DNAJC6: variants seen among roughly 807,000 people sequenced by gnomAD.
The protein encoded by DNAJC6 is auxilin.
A neutral mutation model predicts 110.0 loss-of-function variants in DNAJC6; 34 were observed. That is an observed-to-expected ratio of 0.31 (90% CI 0.24 to 0.41). The LOEUF is 0.41. DNAJC6 is among the 10% of genes least tolerant of loss of function. The pLI, the probability that DNAJC6 is intolerant of heterozygous loss-of-function variation, is 1.00. For synonymous variants in DNAJC6, 406 were observed against 437.2 expected (o/e 0.93, Z 0.89); for missense variants, 1,031 against 1,207.8 (o/e 0.85, Z 2.17).
At chr1:65,293,361 G>A (rs1557502356) in intron 1 of DNAJC6, among the ~76,000 whole-genome samples, 1 of 151,714 alleles carries the variant, frequency 6.6e-6, no homozygotes, top group East Asian at 1.9e-4. Flanking sequence ...TTCCTTATAA[G>A]GACACTAATC....
intron 4 of DNAJC6, among the ~76,000 whole-genome samples, chr1:65,366,750 TACTC>T (rs1645650397): frequency 6.6e-6 from 1 of 152,148 alleles, no homozygotes; most frequent in Non-Finnish European, 1.5e-5. Flanking sequence ...AATTCTGACT[TACTC>T]ACTAAAAAAA....
chr1:65,285,566 A>AC (rs1653990104), intron 1 of DNAJC6, among the ~76,000 whole-genome samples: 1 of 150,912 alleles, frequency 6.6e-6, no homozygotes, highest in African/African-American at 2.4e-5. Context: ...AATGATCCTC[A>AC]CCCCCCCACC....
chr1:65,387,304 G>T (rs189624528), intron 8 of DNAJC6, among the ~76,000 whole-genome samples: 1 of 152,298 alleles, frequency 6.6e-6, no homozygotes, highest in Admixed American at 6.5e-5. Context: ...AAAAAATTGA[G>T]ATAAAACCAC....
At chr1:65,348,433 C>T (rs114113232) in intron 1 of DNAJC6, among the ~76,000 whole-genome samples, 1,731 of 152,198 alleles carry the variant, frequency 0.011, 19 homozygotes, top group Middle Eastern at 0.017. Flanking sequence ...TTTATGTCTA[C>T]TTTTCTGTTC....
intron 4 of DNAJC6, among the ~76,000 whole-genome samples, chr1:65,366,601 C>T (rs1034370288): frequency 2.6e-5 from 4 of 151,988 alleles, no homozygotes; most frequent in Admixed American, 6.6e-5. Flanking sequence ...GTGGATAGAC[C>T]GGTACTGACA....
chr1:65,384,510 G>T (rs573295882), intron 6 of DNAJC6, among the ~76,000 whole-genome samples, 184 bp downstream of exon 6: 1 of 152,302 alleles, frequency 6.6e-6, no homozygotes, highest in South Asian at 2.1e-4. Context: ...GAGTTTCAAT[G>T]GATTCACAGT....
At chr1:65,293,813 A>G (rs978373610) in intron 1 of DNAJC6, among the ~76,000 whole-genome samples, 4 of 152,242 alleles carry the variant, frequency 2.6e-5, no homozygotes, top group Admixed American at 1.3e-4. Context: ...TTGTCTGTAC[A>G]CATACAGAGG....
At chr1:65,295,179 A>G (rs552051312) in intron 1 of DNAJC6, among the ~76,000 whole-genome samples, 16 of 152,342 alleles carry the variant, frequency 1.1e-4, no homozygotes, top group African/African-American at 3.8e-4. Context: ...AAATTGAAAA[A>G]GGGGGATCTT....
At position 65,413,147 on chromosome 1, in the gene DNAJC6, G is replaced by T; in HGVS notation, c.*122G>T. 1.4e-6 allele frequency: 1 copy of T among 726,722 alleles called. No individual in the cohort carries two copies. The highest frequency in any genetic ancestry group is 2.3e-6 in the Non-Finnish European group (1 of 442,520). 45.0% of individuals were successfully genotyped at this position (726,722 alleles called of 1,614,324 possible). ...CATGTTTTCAGTACTAAACCGTTAAGTTACTCATGAATTAATTTCTCATTG... is the reference window on the plus strand; with the variant it reads ...CATGTTTTCAGTACTAAACCGTTAATTTACTCATGAATTAATTTCTCATTG... On this transcript the variant is annotated 3_prime_UTR_variant, in exon 19 of 19. Transcript: ENST00000371069.
At chr1:65,378,360 G>T (rs1207909005) in intron 4 of DNAJC6, among the ~76,000 whole-genome samples, 1 of 152,114 alleles carries the variant, frequency 6.6e-6, no homozygotes, top group African/African-American at 2.4e-5. Flanking sequence ...AACATGGCCA[G>T]TCCTGACTGC....
chr1:65,320,450 A>G (rs940438399), intron 1 of DNAJC6, among the ~76,000 whole-genome samples: 1 of 152,210 alleles, frequency 6.6e-6, no homozygotes, highest in Non-Finnish European at 1.5e-5. Flanking sequence ...CAGGAACTCC[A>G]AATCTAAGCT....
At chr1:65,318,587 C>A (rs1217419153) in intron 1 of DNAJC6, among the ~76,000 whole-genome samples, 1 of 152,176 alleles carries the variant, frequency 6.6e-6, no homozygotes, top group African/African-American at 2.4e-5. Flanking sequence ...TTATCCTCAG[C>A]AAACTAATGC....
intron 1 of DNAJC6, among the ~76,000 whole-genome samples, chr1:65,338,054 A>G (rs1044728611): frequency 6.6e-6 from 1 of 152,098 alleles, no homozygotes; most frequent in East Asian, 1.9e-4. Flanking sequence ...CCACTTTTTC[A>G]AAGGGCTCTA....
chr1:65,309,295 AACCTCCCCTCCCTTCCT>A (rs998992282), upstream of DNAJC6, among the ~76,000 whole-genome samples: 13 of 84,334 alleles, frequency 1.5e-4, no homozygotes, highest in African/African-American at 6.0e-4. Flanking sequence ...CCTCCTCACG[AACCTCCCCTCCCTTCCT>A]ACCTCCCTTT....
intron 15 of DNAJC6, among the ~76,000 whole-genome samples, chr1:65,403,850 G>A (rs1378030820): frequency 2.6e-5 from 4 of 152,276 alleles, no homozygotes; most frequent in South Asian, 2.1e-4. Context: ...CCATGAGTGC[G>A]GGGTCAGCGT....
At chr1:65,301,615 A>C (rs1158308765) in intron 1 of DNAJC6, among the ~76,000 whole-genome samples, 1 of 152,120 alleles carries the variant, frequency 6.6e-6, no homozygotes, top group Non-Finnish European at 1.5e-5. Context: ...ATAATAAAGG[A>C]TATTACAAAG....
Position 65,415,836 on chromosome 1 carries a change from C to T in DNAJC6, c.*2811C>T, listed in dbSNP as rs1210178926. ...TTCCAATTGCTTTTTGGCCTTTTGG[C>T]TAAAATAAATGTAGCATCTAATTTT... On this transcript the variant is annotated 3_prime_UTR_variant, in exon 19 of 19. Coordinates refer to ENST00000371069, the MANE Select transcript of DNAJC6 (RefSeq NM_001256864.2). 7.2e-5 allele frequency: 11 copies of T among 151,812 alleles called. No individual in the cohort carries two copies. The highest frequency in any genetic ancestry group is 2.7e-4 in the African/African-American group (11 of 41,302). The allele number at this position is 151,812 out of a possible 1,614,324, so 9.4% of individuals were successfully genotyped here. A position where few individuals can be genotyped will look rare whatever the true frequency, so the allele number is the denominator to read the frequency against.
intron 11 of DNAJC6, 101 bp downstream of exon 11, chr1:65,389,728 G>A (rs1645907854): frequency 3.1e-6 from 4 of 1,302,778 alleles, no homozygotes; most frequent in African/African-American, 2.9e-5. Flanking sequence ...GCAGCACTTA[G>A]AGGTCATTCA....
chr1:65,268,908 G>A (rs1369410318), intron 1 of DNAJC6, among the ~76,000 whole-genome samples: 1 of 152,064 alleles, frequency 6.6e-6, no homozygotes, highest in Non-Finnish European at 1.5e-5. Context: ...AAAATAATAA[G>A]AATGAAGACT....
Sources: allele counts gnomAD v4.1 joint callset (sites outside exome capture counted in the v4.1 genomes callset), GRCh38; gene constraint gnomAD v4.1.1; transcripts MANE v1.5; gene names NCBI Gene and HGNC (gene_info 2026-07-23, HGNC 2026-07-21).